CACNA1B: variants seen among roughly 807,000 people sequenced by gnomAD.
CACNA1B encodes the protein voltage-dependent N-type calcium channel subunit alpha-1B.
A neutral mutation model predicts 247.2 loss-of-function variants in CACNA1B; 70 were observed. The ratio of observed to expected loss-of-function variants is 0.28; its 90% CI spans 0.23 to 0.35. CACNA1B has a LOEUF of 0.35. Ranked by LOEUF, CACNA1B falls within the 10% of genes least tolerant of loss-of-function variation. CACNA1B has a pLI of 1.00. For synonymous variants in CACNA1B, 1,231 were observed against 1,294.4 expected, an observed-to-expected ratio of 0.95 and a Z score of 1.05; for missense variants, 2,367 against 3,197.4, an observed-to-expected ratio of 0.74 and a Z score of 6.26.
intron 20 of CACNA1B, 27 bp downstream of exon 20, chr9:138,025,199 C>T (rs1958906583): frequency 6.6e-7 from 1 of 1,510,824 alleles, no homozygotes. Context: ...GCCAGTGGGG[C>T]AGGGCCCATC....
At chr9:138,006,558 T>C (rs920164040) in intron 15 of CACNA1B, among the ~76,000 whole-genome samples, 1 of 152,258 alleles carries the variant, frequency 6.6e-6, no homozygotes, top group Non-Finnish European at 1.5e-5. Context: ...GACCCAGTTC[T>C]GCAGCCATGT....
At chr9:137,940,676 C>G (rs1423579427) in intron 6 of CACNA1B, among the ~76,000 whole-genome samples, 1 of 152,166 alleles carries the variant, frequency 6.6e-6, no homozygotes, top group Non-Finnish European at 1.5e-5. Flanking sequence ...CAACAAAATA[C>G]TAGCTAACTG....
chr9:138,104,798 C>A (rs756349263), intron 38 of CACNA1B, among the ~76,000 whole-genome samples: 1 of 152,246 alleles, frequency 6.6e-6, no homozygotes, highest in Non-Finnish European at 1.5e-5. Context: ...GCTCCTTGCT[C>A]CCCACGCTCA....
At chr9:137,976,126 C>T in intron 12 of CACNA1B, 107 bp downstream of exon 12, 1 of 717,720 alleles carries the variant, frequency 1.4e-6, no homozygotes, top group Admixed American at 2.5e-5. Flanking sequence ...TGTGACCCTA[C>T]ATGGGTCAGA....
intron 10 of CACNA1B, among the ~76,000 whole-genome samples, chr9:137,967,294 C>T (rs1473491314): frequency 6.6e-6 from 1 of 152,174 alleles, no homozygotes; most frequent in Non-Finnish European, 1.5e-5. Context: ...TCTGCCTCCA[C>T]CCATACCCAG....
chr9:138,013,037 C>A, intron 17 of CACNA1B, 92 bp from the exon 18 acceptor site: 2 of 905,568 alleles, frequency 2.2e-6, no homozygotes, highest in Non-Finnish European at 3.5e-6. Flanking sequence ...TTTTTTGAGG[C>A]CCCTGGAGGA....
intron 31 of CACNA1B, among the ~76,000 whole-genome samples, chr9:138,064,483 T>C (rs1434979726): frequency 6.6e-6 from 1 of 152,232 alleles, no homozygotes. Context: ...TCTGCTCACT[T>C]ACTTTCATTC....
chr9:137,912,808 G>C (rs1957372485), intron 3 of CACNA1B, among the ~76,000 whole-genome samples: 1 of 152,180 alleles, frequency 6.6e-6, no homozygotes, highest in African/African-American at 2.4e-5. Context: ...TGCAGCTGGG[G>C]TTGGTTAGGG....
intron 21 of CACNA1B, among the ~76,000 whole-genome samples, chr9:138,044,966 G>C (rs969459955): frequency 6.6e-6 from 1 of 152,232 alleles, no homozygotes; most frequent in East Asian, 1.9e-4. Flanking sequence ...TGGCAGGTGA[G>C]GGGTGGTAAC....
chr9:138,036,909 A>G (rs1959054057), intron 20 of CACNA1B, among the ~76,000 whole-genome samples: 1 of 152,234 alleles, frequency 6.6e-6, no homozygotes. Flanking sequence ...AATGTTGACA[A>G]TAATTCCTTA....
chr9:137,925,332 C>T (rs963785711), intron 6 of CACNA1B, among the ~76,000 whole-genome samples: 6 of 152,062 alleles, frequency 3.9e-5, no homozygotes, highest in African/African-American at 9.7e-5. Flanking sequence ...AATTTGTGGG[C>T]GAATGCCTGA....
At chr9:138,069,832 C>G (rs759888514) in intron 32 of CACNA1B, 69 bp downstream of exon 32, 54 of 1,442,940 alleles carry the variant, frequency 3.7e-5, no homozygotes, top group Non-Finnish European at 4.2e-5. Context: ...CTCCTGCTCT[C>G]TGGTTCCTGG....
At chr9:138,000,293 T>G (rs1405420798) in intron 15 of CACNA1B, among the ~76,000 whole-genome samples, 1 of 151,612 alleles carries the variant, frequency 6.6e-6, no homozygotes, top group Non-Finnish European at 1.5e-5. Flanking sequence ...AGAGACAGGG[T>G]TTCACCGTGT....
chr9:138,119,430 C>A (rs1323619250), intron 44 of CACNA1B, among the ~76,000 whole-genome samples: 3 of 152,146 alleles, frequency 2.0e-5, no homozygotes, highest in Non-Finnish European at 4.4e-5. Context: ...TCACCTGCAA[C>A]ATGAGCCTGC....
intron 21 of CACNA1B, among the ~76,000 whole-genome samples, chr9:138,044,825 T>C (rs1387320225): frequency 6.6e-6 from 1 of 152,240 alleles, no homozygotes; most frequent in Non-Finnish European, 1.5e-5. Context: ...CCCCGCTCCC[T>C]GCCTCCTCCC....
intron 18 of CACNA1B, among the ~76,000 whole-genome samples, chr9:138,013,851 AGGAAAGTCT>A (rs894473417): frequency 6.6e-6 from 1 of 152,228 alleles, no homozygotes; most frequent in African/African-American, 2.4e-5. Flanking sequence ...GAAGGGAGGC[AGGAAAGTCT>A]GGCCCATGGC....
chr9:137,965,696 T>G (rs1829277910), intron 10 of CACNA1B, among the ~76,000 whole-genome samples: 1 of 152,134 alleles, frequency 6.6e-6, no homozygotes, highest in African/African-American at 2.4e-5. Flanking sequence ...CCTCCTGGGT[T>G]CAAACGATTC....
chr9:137,886,046 G>T (rs1342018836), intron 3 of CACNA1B, among the ~76,000 whole-genome samples: 17 of 151,684 alleles, frequency 1.1e-4, no homozygotes, highest in Non-Finnish European at 2.5e-4. Flanking sequence ...CCCTGCCACA[G>T]GACTCTGCCT....
intron 36 of CACNA1B, among the ~76,000 whole-genome samples, chr9:138,090,562 A>G (rs531433892): frequency 2.0e-5 from 3 of 152,152 alleles, no homozygotes; most frequent in Non-Finnish European, 2.9e-5. Flanking sequence ...ATGGGGTTGC[A>G]TTTCAGTAAA....
Sources: allele counts gnomAD v4.1 joint callset (sites outside exome capture counted in the v4.1 genomes callset), GRCh38; gene constraint gnomAD v4.1.1; transcripts MANE v1.5; gene names NCBI Gene and HGNC (gene_info 2026-07-23, HGNC 2026-07-21).